Variants in FGD6 observed in about 807,000 individuals in gnomAD.
FGD6 encodes the protein FYVE, RhoGEF and PH domain containing 6.
Under a neutral mutation model 149.4 loss-of-function variants are expected in FGD6, and 90 were observed. That is an observed-to-expected ratio of 0.60 (90% confidence interval 0.51 to 0.72). The LOEUF is 0.72. FGD6 is among the 30% of genes least tolerant of loss of function. The pLI is 0.00. For missense variants in FGD6, 1,437 were observed against 1,684.8 expected (o/e 0.85, Z 2.57); for synonymous variants, 527 against 584.0 (o/e 0.90, Z 1.41).
At chr12:95,092,971 A>AAAAT in intron 15 of FGD6, 126 bp from the exon 16 acceptor site, 1 of 1,118,438 alleles carries the variant, frequency 8.9e-7, no homozygotes, top group Non-Finnish European at 1.3e-6. Flanking sequence ...CTGTAATCCC[A>AAAAT]GCATTTTGGG....
At chr12:95,126,236 A>C in intron 8 of FGD6, 1 of 1,274,986 alleles carries the variant, frequency 7.8e-7, no homozygotes, top group African/African-American at 1.5e-5. Flanking sequence ...TTCCAGCAAA[A>C]AAGATGACCG....
intron 5 of FGD6, among the ~76,000 whole-genome samples, chr12:95,152,097 G>A (rs974237252): frequency 3.3e-5 from 5 of 152,100 alleles, no homozygotes; most frequent in African/African-American, 7.2e-5. Context: ...AGGCCAAGGC[G>A]GGTTGATCAC....
intron 7 of FGD6, among the ~76,000 whole-genome samples, chr12:95,137,239 G>A (rs908362504): frequency 2.0e-5 from 3 of 151,938 alleles, no homozygotes; most frequent in African/African-American, 7.3e-5. Flanking sequence ...ATCTACGTGC[G>A]AATGTACTCC....
intron 3 of FGD6, among the ~76,000 whole-genome samples, chr12:95,153,204 C>G (rs1182900347): frequency 6.6e-6 from 1 of 152,206 alleles, no homozygotes; most frequent in Non-Finnish European, 1.5e-5. Context: ...GTAATCTTCA[C>G]TGTCATTAGC....
At chr12:95,135,265 A>T (rs1465383112) in intron 7 of FGD6, among the ~76,000 whole-genome samples, 1 of 152,216 alleles carries the variant, frequency 6.6e-6, no homozygotes, top group African/African-American at 2.4e-5. Flanking sequence ...TGATAATCAG[A>T]GCCTTGTGGT....
chr12:95,204,289 C>A (rs940888613), intron 2 of FGD6, among the ~76,000 whole-genome samples: 2 of 152,178 alleles, frequency 1.3e-5, no homozygotes, highest in Non-Finnish European at 2.9e-5. Flanking sequence ...CCTTTCTCCT[C>A]TGGGGTTTCT....
chr12:95,210,687 C>A lies in FGD6; in HGVS notation c.597G>T (p.Lys199Asn), dbSNP rs1454969460. 6.2e-7 allele frequency: 1 copy of A among 1,613,934 alleles called. No homozygotes were observed. Among genetic ancestry groups the A allele is most frequent in the African/African-American group, 1.3e-5 (1 of 74,920 alleles). Residue 199 changes from lysine to asparagine, a missense_variant, in exon 2 of 21, where the codon AAG becomes AAT. Transcript: ENST00000343958. ...HQMPPFISAQ[K>N]HRPTDSPEMN... is the part of the protein sequence containing the mutation. ...TTTCTGGGCTGTCTGTGGGCCTGTGCTTCTGTGCAGAAATAAAAGGTGGCA... is the reference window on the plus strand; with the variant it reads ...TTTCTGGGCTGTCTGTGGGCCTGTGATTCTGTGCAGAAATAAAAGGTGGCA...
At chr12:95,204,439 A>G (rs1037107375) in intron 2 of FGD6, among the ~76,000 whole-genome samples, 1 of 152,144 alleles carries the variant, frequency 6.6e-6, no homozygotes, top group African/African-American at 2.4e-5. Flanking sequence ...GGATTGGAAT[A>G]AGAAGAAAAG....
rs772685891 is a variant in FGD6, at chr12:95,083,030, T to TATATATATATAC, written c.4256+1467_4256+1468insGTATATATATAT. On this transcript the variant is annotated intron_variant, in intron 20 of 20. Coordinates refer to ENST00000343958, the MANE Select transcript of FGD6 (RefSeq NM_018351.4). ...AAAAAAAAATATATATATATATATATACACACACATACACACACACACACA... is the reference window on the plus strand; with the variant it reads ...AAAAAAAAATATATATATATATATATATATATATATACACACACACATACACACACACACACA... Among the ~76,000 whole-genome samples the TATATATATATAC allele has an allele frequency of 6.7e-3, 376 of 56,350 alleles. 15 individuals are homozygous for TATATATATATAC. Among genetic ancestry groups the TATATATATATAC allele is most frequent in the African/African-American group, 0.027 (331 of 12,156 alleles). The allele number at this position is 56,350 out of a possible 152,430, so 37.0% of individuals were successfully genotyped here.
intron 8 of FGD6, among the ~76,000 whole-genome samples, chr12:95,116,317 A>G (rs1489679883): frequency 6.6e-6 from 1 of 152,192 alleles, no homozygotes; most frequent in African/African-American, 2.4e-5. Context: ...TCATTAATCA[A>G]GTGATTTTCC....
intron 2 of FGD6, among the ~76,000 whole-genome samples, chr12:95,198,338 A>G: frequency 6.6e-6 from 1 of 152,220 alleles, no homozygotes; most frequent in Non-Finnish European, 1.5e-5. Flanking sequence ...GAAAACAATA[A>G]TATCTATCTT....
In FGD6 at chr12:95,106,968, G is replaced by C. The variant is rs1878648994; in HGVS notation, c.3403C>G (p.Leu1135Val). 6.2e-7 allele frequency: 1 copy of C among 1,612,566 alleles called. No individual in the cohort carries two copies. Among genetic ancestry groups the C allele is most frequent in the Admixed American group, 1.7e-5 (1 of 59,914 alleles). The change falls in exon 13 of 21, where the codon CTG becomes GTG. Residue 1135 changes from leucine to valine, a missense_variant. Leu to Val is a conservative substitution (Grantham distance 32). Coordinates refer to ENST00000343958, the MANE Select transcript of FGD6 (RefSeq NM_018351.4). ...GATGCACACACCTTCATTCCAGCCA[G>C]TGAGAGCATGTTGTTCAGTTTATAC... is the stretch of plus-strand genomic sequence containing the variant. ...GMYKLNNMLS[L>V]AGMKVRKPTQ... is the part of the protein sequence containing the mutation.
intron 14 of FGD6, among the ~76,000 whole-genome samples, chr12:95,101,681 C>CTTTTTTTTTTTT (rs757955014): frequency 9.3e-6 from 1 of 107,808 alleles, no homozygotes; most frequent in African/African-American, 3.6e-5. Context: ...TTTGAACTTT[C>CTTTTTTTTTTTT]TTTTTTTTTT....
In FGD6 at chr12:95,209,105, G is replaced by C; in HGVS notation, c.2179C>G (p.Leu727Val). The change falls in exon 2 of 21, where the codon CTC becomes GTC. Residue 727 changes from leucine (L) to valine (V), a missense_variant. This residue lies in a region of FGD6 where 1,055 missense variants were observed against 1,146.0 expected (regional missense o/e 0.92). Coordinates refer to ENST00000343958, the MANE Select transcript of FGD6 (RefSeq NM_018351.4). ...LRAESLDDQM[L>V]SRESSSQAPY... ...GCCTGAGATGATGACTCCCGGGAGAGCATTTGGTCATCCAAAGACTCAGCT... is the reference window on the plus strand; with the variant it reads ...GCCTGAGATGATGACTCCCGGGAGACCATTTGGTCATCCAAAGACTCAGCT... 1 of 1,614,136 alleles carries C rather than the reference G, an allele frequency of 6.2e-7. No homozygotes were observed. Among genetic ancestry groups the C allele is most frequent in the Non-Finnish European group, 8.5e-7 (1 of 1,180,038 alleles).
intron 3 of FGD6, among the ~76,000 whole-genome samples, chr12:95,165,917 G>C (rs1214121225): frequency 6.6e-6 from 1 of 150,782 alleles, no homozygotes; most frequent in African/African-American, 2.4e-5. Flanking sequence ...AAAGTCCTGA[G>C]ATTACAGGTG....
chr12:95,203,233 G>T (rs1015780299), intron 2 of FGD6, among the ~76,000 whole-genome samples: 17 of 152,194 alleles, frequency 1.1e-4, no homozygotes, highest in Non-Finnish European at 2.1e-4. Flanking sequence ...TCATTTAAAA[G>T]AAATAATTTT....
In FGD6 at chr12:95,209,671, C is replaced by T. The variant is rs1452788480; in HGVS notation, c.1613G>A (p.Arg538Lys). 1 of 1,613,270 alleles carries T rather than the reference C, an allele frequency of 6.2e-7. No homozygotes were observed. Among genetic ancestry groups the T allele is most frequent in the South Asian group, 1.1e-5 (1 of 90,860 alleles). Residue 538 changes from arginine (R) to lysine (K), a missense_variant, in exon 2 of 21, where the codon AGA becomes AAA. Physicochemically the swap from Arg to Lys is conservative, Grantham distance 26. Transcript: ENST00000343958. Reference protein sequence around the residue: ...EEKSSEKSLERNHLQHLCAQN... With the variant: ...EEKSSEKSLEKNHLQHLCAQN... ...GGCACACAAATGCTGAAGGTGATTT[C>T]TTTCTAGACTCTTCTCTGAACTTTT... is the stretch of plus-strand genomic sequence containing the variant.
At chr12:95,130,164 AG>A (rs146797516) in intron 8 of FGD6, among the ~76,000 whole-genome samples, 13,310 of 152,270 alleles carry the variant, frequency 0.087, 735 homozygotes, top group African/African-American at 0.15. Flanking sequence ...AAGTAAGTCC[AG>A]AAAAGAAAAC....
chr12:95,145,651 A>G (rs962263195), intron 5 of FGD6, among the ~76,000 whole-genome samples: 52 of 152,134 alleles, frequency 3.4e-4, no homozygotes, highest in African/African-American at 1.2e-3. Flanking sequence ...CCACTACTGC[A>G]AAATCCCATT....
Sources: gnomAD v4.1 joint callset for allele counts (sites outside exome capture counted in the v4.1 genomes callset) on GRCh38, gnomAD v4.1.1 for gene constraint, gnomAD v4.1.1 regional missense constraint, MANE v1.5 for transcripts, NCBI Gene and HGNC (gene_info 2026-07-23, HGNC 2026-07-21) for gene names.